Variants in WDR5 observed in about 807,000 individuals in gnomAD.
WDR5 encodes the protein WD repeat domain 5.
For synonymous variants in WDR5, 144 were observed against 161.6 expected (o/e 0.89, Z 0.83); for missense variants, 187 against 416.9 (o/e 0.45, Z 4.80).
chr9:134,140,859 G>T (rs1831847921), intron 3 of WDR5, 48 bp downstream of exon 3: 1 of 1,571,556 alleles, frequency 6.4e-7, no homozygotes, highest in Non-Finnish European at 8.8e-7. Context: ...GGTCTGAGCT[G>T]CAGACAAAAA....
At chr9:134,148,177 TAACTC>T (rs1259446028) in intron 7 of WDR5, 106 bp from the exon 8 acceptor site, 3 of 870,028 alleles carry the variant, frequency 3.4e-6, no homozygotes, top group Non-Finnish European at 5.2e-6. Flanking sequence ...CAAAAAAACA[TAACTC>T]AGTCTTTTTT....
At chr9:134,148,465 T>G in intron 8 of WDR5, 122 bp downstream of exon 8, 1 of 846,178 alleles carries the variant, frequency 1.2e-6, no homozygotes, top group Non-Finnish European at 1.9e-6. Context: ...TTTCCGAAGC[T>G]TCTCTTCTGG....
chr9:134,136,910 T>G (rs1429939315), intron 1 of WDR5, among the ~76,000 whole-genome samples: 3 of 152,160 alleles, frequency 2.0e-5, no homozygotes, highest in Admixed American at 6.5e-5. Flanking sequence ...GTTTAATCTG[T>G]GACCTGGGCA....
rs147041005 is a variant in WDR5 at position 134,140,041 on chromosome 9, T to C, written c.81+83T>C. ...CGGAAACATCTCAAGCTCATAAGCCTAGTCTTCCCTACTCAGTTAAATGTC... is the reference window on the plus strand; with the variant it reads ...CGGAAACATCTCAAGCTCATAAGCCCAGTCTTCCCTACTCAGTTAAATGTC... On this transcript the variant is annotated intron_variant, in intron 2 of 13. Coordinates refer to ENST00000358625, the MANE Select transcript of WDR5 (RefSeq NM_017588.3). The C allele has an allele frequency of 4.4e-5, 65 of 1,474,890 alleles. No homozygotes were observed. In the African/African-American group the frequency reaches 7.5e-4, roughly 17 times the overall value. 91.4% of individuals were successfully genotyped at this position (1,474,890 alleles called of 1,614,324 possible). A position where few individuals can be genotyped will look rare whatever the true frequency, so the allele number is the denominator to read the frequency against.
chr9:134,148,748 G>C (rs1336661494), intron 8 of WDR5, among the ~76,000 whole-genome samples: 1 of 152,146 alleles, frequency 6.6e-6, no homozygotes, highest in African/African-American at 2.4e-5. Flanking sequence ...ACCATCCCGG[G>C]CAGGTGAACC....
Position 134,153,747 on chromosome 9 carries a change from C to CGGG in WDR5, c.632-717_632-716insGGG, listed in dbSNP as rs34274409. On this transcript the variant is annotated intron_variant, in intron 9 of 13. Coordinates refer to ENST00000358625, the MANE Select transcript of WDR5 (RefSeq NM_017588.3). ...CCAGCGCGTGCACGTGCTTGGGGGT[C>CGGG]GGTGGGGGTCTCTGGTGGGGCCCAG... Among the ~76,000 whole-genome samples, 450 of 151,646 alleles carry CGGG rather than the reference C, an allele frequency of 3.0e-3. 3 individuals are homozygous for CGGG. Among genetic ancestry groups the CGGG allele is most frequent in the African/African-American group, 0.01 (417 of 41,128 alleles).
chr9:134,137,204 G>A (rs566658661), intron 1 of WDR5, among the ~76,000 whole-genome samples: 112 of 152,312 alleles, frequency 7.4e-4, no homozygotes, highest in African/African-American at 2.5e-3. Context: ...TCGGCTTCAG[G>A]TGGTCAGGCT....
rs1832105559 is a variant in WDR5, at chr9:134,145,091, GC to G, written c.528+2373del. Among the ~76,000 whole-genome samples the G allele has an allele frequency of 3.6e-5, 3 of 84,038 alleles. No individual in the cohort carries two copies. The Admixed American group carries it at 4.5e-4, about 13-fold the overall frequency. The allele number at this position is 84,038 out of a possible 152,430, so 55.1% of individuals were successfully genotyped here. On this transcript the variant is annotated intron_variant, in intron 7 of 13. Transcript: ENST00000358625. ...TCTCCACTGCAGAGAGGTTTGTGGG[GC>G]TTTGTTTTTTTTTTTTTTTTTTTTG...
chr9:134,140,002 C>T (rs932113932), intron 2 of WDR5, 44 bp downstream of exon 2: 18 of 1,602,354 alleles, frequency 1.1e-5, no homozygotes, highest in South Asian at 5.5e-5. Flanking sequence ...GGGGCAAATA[C>T]GCTTAGAGAG....
At chr9:134,140,914 C>T (rs956782705) in intron 3 of WDR5, 103 bp downstream of exon 3, 34 of 1,082,178 alleles carry the variant, frequency 3.1e-5, no homozygotes, top group Non-Finnish European at 4.1e-5. Context: ...GCTGGGGAGA[C>T]GTAGCAGGCC....
intron 8 of WDR5, among the ~76,000 whole-genome samples, chr9:134,151,264 T>G (rs1832471469): frequency 6.6e-6 from 1 of 152,062 alleles, no homozygotes; most frequent in African/African-American, 2.4e-5. Context: ...GAGGTGGGTG[T>G]GCAGAGCAGA....
chr9:134,135,381 C>A (rs1831489404), upstream of WDR5: 2 of 152,246 alleles, frequency 1.3e-5, no homozygotes, highest in South Asian at 4.1e-4. Flanking sequence ...TTGCGCACTG[C>A]GGAGCGGGCG....
chr9:134,150,251 C>A (rs1289505574), intron 8 of WDR5, among the ~76,000 whole-genome samples: 1 of 152,198 alleles, frequency 6.6e-6, no homozygotes, highest in Non-Finnish European at 1.5e-5. Context: ...CCAAGGAATT[C>A]ATTCATTATT....
At position 134,157,031 on chromosome 9, in the gene WDR5, G is replaced by A. The variant is rs1371195922; in HGVS notation, c.904+438G>A. ...GCATGCAGGCCTAGTGGGCTCCACG[G>A]CGGAGCTGGTTCCCAGGCTACCTGG... On this transcript the variant is annotated intron_variant, in intron 13 of 13. Coordinates refer to ENST00000358625, the MANE Select transcript of WDR5 (RefSeq NM_017588.3). The surrounding 1 kb of genome is among the most constrained non-coding windows in gnomAD (Gnocchi z 5.0). Among the ~76,000 whole-genome samples the A allele has an allele frequency of 6.6e-6, 1 of 152,194 alleles. No individual in the cohort carries two copies. Among genetic ancestry groups the A allele is most frequent in the Non-Finnish European group, 1.5e-5 (1 of 68,030 alleles).
chr9:134,142,013 C>T lies in WDR5; in HGVS notation c.329C>T (p.Thr110Ile). 1 of 1,614,162 alleles carries T rather than the reference C, an allele frequency of 6.2e-7. No individual in the cohort carries two copies. The highest frequency in any genetic ancestry group is 8.5e-7 in the Non-Finnish European group (1 of 1,180,034). Residue 110 changes from threonine (T) to isoleucine (I), a missense_variant, in exon 5 of 14, where the codon ACC becomes ATC. Coordinates refer to ENST00000358625, the MANE Select transcript of WDR5 (RefSeq NM_017588.3). ...NLLVSASDDK[T>I]LKIWDVSSGK... Reference sequence around the variant, plus strand: ...CTTGTTTCTGCCTCAGATGACAAAACCTTGAAGATATGGGACGTGAGCTCG... The same window carrying T: ...CTTGTTTCTGCCTCAGATGACAAAATCTTGAAGATATGGGACGTGAGCTCG...
intron 7 of WDR5, among the ~76,000 whole-genome samples, chr9:134,146,930 AC>A (rs1395150090): frequency 6.6e-6 from 1 of 152,114 alleles, no homozygotes; most frequent in Non-Finnish European, 1.5e-5. Flanking sequence ...ACAGGTACTC[AC>A]CCCTCTGTGT....
At position 134,157,113 on chromosome 9, in the gene WDR5, C is replaced by T. The variant is rs28485236; in HGVS notation, c.904+520C>T. ...CTGCAGCCGCCGCTACTTCCTCACC[C>T]TCTGGCCCTGCATTTCCACGTCTCA... On this transcript the variant is annotated intron_variant, in intron 13 of 13. Coordinates refer to ENST00000358625, the MANE Select transcript of WDR5 (RefSeq NM_017588.3). This position sits in a 1 kb window ranked among gnomAD's most constrained non-coding sequence, Gnocchi z 5.0. 0.13 allele frequency among the ~76,000 whole-genome samples: 19,746 copies of T among 152,176 alleles called. 1,452 individuals are homozygous for T. Among genetic ancestry groups the T allele is most frequent in the South Asian group, 0.22 (1,043 of 4,810 alleles).
intron 4 of WDR5, 43 bp downstream of exon 4, chr9:134,141,626 G>T (rs776716827): frequency 6.2e-7 from 1 of 1,600,038 alleles, no homozygotes; most frequent in South Asian, 1.1e-5. Flanking sequence ...GTTGAACAGG[G>T]TGGCTCTAGT....
chr9:134,141,003 G>A (rs1239883081), intron 3 of WDR5, among the ~76,000 whole-genome samples, 192 bp downstream of exon 3: 1 of 152,138 alleles, frequency 6.6e-6, no homozygotes, highest in African/African-American at 2.4e-5. Flanking sequence ...CCCGTGGGGG[G>A]CCAGGCGTGG....
Sources: allele counts gnomAD v4.1 joint callset (sites outside exome capture counted in the v4.1 genomes callset), GRCh38; gene constraint gnomAD v4.1.1; non-coding constraint Gnocchi (gnomAD v3.1); transcripts MANE v1.5; gene names NCBI Gene and HGNC (gene_info 2026-07-23, HGNC 2026-07-21).